Variants in ZNF577 observed in about 807,000 individuals in gnomAD.
ZNF577 encodes the protein zinc finger protein 577.
A neutral mutation model predicts 13.9 loss-of-function variants in ZNF577; 14 were observed. The observed-to-expected ratio is 1.00, with a 90% CI of 0.66 to 1.57. The LOEUF (loss-of-function observed/expected upper bound fraction) is 1.57. Ranked by LOEUF, ZNF577 falls within the 40% of genes most tolerant of loss-of-function variation. ZNF577 has a pLI of 0.00. For synonymous variants in ZNF577, 203 were observed against 202.9 expected, an observed-to-expected ratio of 1.00 and a Z score of 0.00; for missense variants, 555 against 579.2, an observed-to-expected ratio of 0.96 and a Z score of 0.43.
Position 51,873,551 on chromosome 19 carries a change from C to T in ZNF577, c.439G>A (p.Asp147Asn). ...CCTCCTGCACAAATTTTTTGTAGGT[C>T]ATTGAGCTGTGATTTAGGGCTGCTG... ...KPSSPKSQLN[D>N]LQKICAGGKP... The change falls in exon 6 of 6, where the codon GAC becomes AAC. Residue 147 changes from aspartate (D) to asparagine (N), a missense_variant. Asp to Asn is a conservative substitution (Grantham distance 23). Coordinates refer to ENST00000638348, the MANE Select transcript of ZNF577 (RefSeq NM_001370449.1). 1 of 1,614,188 alleles carries T rather than the reference C, an allele frequency of 6.2e-7. No individual in the cohort carries two copies. Among genetic ancestry groups the T allele is most frequent in the Middle Eastern group, 1.6e-4 (1 of 6,062 alleles).
At chr19:51,834,026 C>A (rs1180303242) in intron 9 of ZNF577, among the ~76,000 whole-genome samples, 1 of 151,686 alleles carries the variant, frequency 6.6e-6, no homozygotes, top group East Asian at 1.9e-4. Flanking sequence ...GATTCAAAAT[C>A]CTCTCCTCTA....
chr19:51,845,678 G>A (rs2084347875), intron 5 of ZNF577, among the ~76,000 whole-genome samples: 2 of 151,972 alleles, frequency 1.3e-5, no homozygotes, highest in Non-Finnish European at 2.9e-5. Flanking sequence ...CCATTTCTAT[G>A]AATTCAATAA....
Position 51,824,758 on chromosome 19 carries a change from C to T in ZNF577, c.*600-13084G>A. 6.2e-7 allele frequency: 1 copy of T among 1,613,976 alleles called. No individual in the cohort carries two copies. The highest frequency in any genetic ancestry group is 8.5e-7 in the Non-Finnish European group (1 of 1,179,946). ...CCTGACTCAGCCCAGACCAGCAACA[C>T]AGACACCACTTCTGCTTCACCTCCT... On this transcript the variant is annotated intron_variant and NMD_transcript_variant, in intron 9 of 10. Transcript: ENST00000638827. This position sits in a 1 kb window ranked among gnomAD's most constrained non-coding sequence, Gnocchi z 4.7.
rs1288538240 is a variant in ZNF577 at position 51,824,209 on chromosome 19, T to A, written c.*600-12535A>T. 1.9e-6 allele frequency: 3 copies of A among 1,614,148 alleles called. No individual in the cohort carries two copies. The highest frequency in any genetic ancestry group is 2.5e-6 in the Non-Finnish European group (3 of 1,179,988). The stretch of plus-strand genomic sequence containing the variant: ...ATGACGGGACTCTGGATTTTCACCA[T>A]AGTCCTTACCTTACCAAATTTCATC... On this transcript the variant is annotated intron_variant and NMD_transcript_variant, in intron 9 of 10. Transcript: ENST00000638827. The surrounding 1 kb of genome is among the most constrained non-coding windows in gnomAD (Gnocchi z 4.7).
intron 5 of ZNF577, among the ~76,000 whole-genome samples, chr19:51,857,422 G>GAAAGAAAGAAAGA (rs2084445553): frequency 2.8e-5 from 3 of 108,706 alleles, no homozygotes; most frequent in Non-Finnish European, 3.6e-5. Context: ...AAGAAAGAAA[G>GAAAGAAAGAAAGA]AAAGAAAAGA....
chr19:51,861,183 A>G, intron 5 of ZNF577: 1 of 278,880 alleles, frequency 3.6e-6, no homozygotes, highest in Non-Finnish European at 6.5e-6. Context: ...CACTGGTGCA[A>G]TCTCGGCTTA....
At chr19:51,854,048 T>C (rs1207597149) in intron 5 of ZNF577, among the ~76,000 whole-genome samples, 2 of 152,214 alleles carry the variant, frequency 1.3e-5, no homozygotes, top group Non-Finnish European at 2.9e-5. Flanking sequence ...TACTATTCTT[T>C]AAGTTTTTCT....
intron 5 of ZNF577, among the ~76,000 whole-genome samples, chr19:51,853,545 T>C (rs1174914047): frequency 6.6e-6 from 1 of 152,166 alleles, no homozygotes; most frequent in Non-Finnish European, 1.5e-5. Context: ...TTTTGGTCAA[T>C]TGGACCAATC....
chr19:51,815,750 A>G (rs1223153320), intron 9 of ZNF577, among the ~76,000 whole-genome samples: 1 of 151,840 alleles, frequency 6.6e-6, no homozygotes, highest in Admixed American at 6.6e-5. Context: ...AGTCCCCACT[A>G]CTTAGGAGGC....
intron 9 of ZNF577, among the ~76,000 whole-genome samples, chr19:51,833,993 T>G (rs1157619248): frequency 6.6e-6 from 1 of 152,216 alleles, no homozygotes; most frequent in East Asian, 1.9e-4. Flanking sequence ...CCTAAAACAT[T>G]TATCATTTCT....
At chr19:51,884,716 C>CA (rs2084915861) in intron 1 of ZNF577, among the ~76,000 whole-genome samples, 1 of 151,986 alleles carries the variant, frequency 6.6e-6, no homozygotes, top group Non-Finnish European at 1.5e-5. Context: ...CTAATACTTG[C>CA]ATTCAAGGTT....
intron 5 of ZNF577, among the ~76,000 whole-genome samples, chr19:51,876,545 G>A (rs2084766599): frequency 1.3e-5 from 2 of 152,046 alleles, no homozygotes; most frequent in Admixed American, 1.3e-4. Flanking sequence ...AGGCATTGAC[G>A]TGAGCTAAGG....
intron 9 of ZNF577, among the ~76,000 whole-genome samples, chr19:51,839,352 C>T (rs968531193): frequency 1.3e-5 from 2 of 152,068 alleles, no homozygotes; most frequent in East Asian, 3.8e-4. Flanking sequence ...TATGATCACC[C>T]CTCTGCACTC....
chr19:51,864,257 A>T (rs535399861), downstream of ZNF577, among the ~76,000 whole-genome samples: 1 of 152,220 alleles, frequency 6.6e-6, no homozygotes, highest in Admixed American at 6.5e-5. Context: ...TTTTATATGA[A>T]GCTTTAATTA....
At chr19:51,821,789 AC>A (rs550886474) in intron 9 of ZNF577, among the ~76,000 whole-genome samples, 123 of 151,888 alleles carry the variant, frequency 8.1e-4, no homozygotes, top group African/African-American at 2.8e-3. Context: ...AAAAAAAAAA[AC>A]CTACAAAAAC....
At chr19:51,859,706 C>T (rs936207340) in intron 5 of ZNF577, among the ~76,000 whole-genome samples, 1 of 152,058 alleles carries the variant, frequency 6.6e-6, no homozygotes, top group African/African-American at 2.4e-5. Flanking sequence ...GTGGTATAAT[C>T]CTTTAGACTC....
intron 4 of ZNF577, 51 bp downstream of exon 4, chr19:51,878,338 G>A (rs755088606): frequency 6.3e-6 from 10 of 1,597,310 alleles, no homozygotes; most frequent in Non-Finnish European, 8.6e-6. Flanking sequence ...GGACCGTACA[G>A]TGGTCACCAA....
At chr19:51,877,902 A>G (rs550498166) in intron 4 of ZNF577, 18 of 157,196 alleles carry the variant, frequency 1.1e-4, no homozygotes, top group Non-Finnish European at 2.3e-4. Context: ...GGTGGTATAT[A>G]TATATACAAA....
intron 1 of ZNF577, among the ~76,000 whole-genome samples, chr19:51,884,497 TAG>T (rs1027109011): frequency 2.6e-5 from 4 of 152,256 alleles, no homozygotes; most frequent in South Asian, 4.2e-4. Context: ...GAAAAAAAGT[TAG>T]AGTCATCAGA....
Sources: gnomAD v4.1 joint callset for allele counts (sites outside exome capture counted in the v4.1 genomes callset) on GRCh38, gnomAD v4.1.1 for gene constraint, Gnocchi (gnomAD v3.1) non-coding constraint, MANE v1.5 for transcripts, NCBI Gene and HGNC (gene_info 2026-07-23, HGNC 2026-07-21) for gene names.